The following FUS variants were observed in gnomAD, a reference collection of about 807,000 sequenced individuals.
FUS encodes RNA-binding protein FUS.
Under a neutral mutation model 82.7 loss-of-function variants are expected in FUS, and 5 were observed. The ratio of observed to expected loss-of-function variants is 0.06; its 90% confidence interval spans 0.03 to 0.13. FUS has a LOEUF of 0.13. Ranked by LOEUF, FUS falls within the 10% of genes least tolerant of loss-of-function variation. The pLI is 1.00. For synonymous variants in FUS, 281 were observed against 247.4 expected (o/e 1.14, Z -1.27); for missense variants, 512 against 707.8 (o/e 0.72, Z 3.14).
downstream of FUS, chr16:31,192,289 G>A (rs987980340): frequency 5.7e-6 from 3 of 526,932 alleles, no homozygotes; most frequent in Non-Finnish European, 1.1e-5. Flanking sequence ...AATGATAAGT[G>A]ATAAGAGGGG....
chr16:31,192,358 T>C (rs1442673819), downstream of FUS: 6 of 525,494 alleles, frequency 1.1e-5, no homozygotes, highest in Non-Finnish European at 2.2e-5. Flanking sequence ...CCTCTTACCA[T>C]GTGGTTGTAA....
At chr16:31,187,199 G>A (rs919264544) in intron 7 of FUS, 12 of 398,346 alleles carry the variant, frequency 3.0e-5, no homozygotes, top group Admixed American at 7.5e-5. Context: ...CCTTTTGATC[G>A]TTGTGTCCAA....
intron 3 of FUS, chr16:31,183,319 G>A (rs888603280): frequency 5.9e-6 from 1 of 168,574 alleles, no homozygotes; most frequent in Non-Finnish European, 1.3e-5. Context: ...ATTGGTTTGT[G>A]ATTCTGTTTC....
downstream of FUS, chr16:31,192,907 T>C (rs751244039): frequency 8.2e-6 from 4 of 486,322 alleles, no homozygotes. Flanking sequence ...ACAAGTATGT[T>C]CTCTACTGAA....
At chr16:31,184,438 C>CTTTTT (rs370126678) in intron 5 of FUS, 42 bp downstream of exon 5, 25 of 1,212,384 alleles carry the variant, frequency 2.1e-5, no homozygotes, top group Middle Eastern at 2.6e-4. Context: ...TTTTCTTTTT[C>CTTTTT]TTTTTTTTTT....
chr16:31,189,907 C>T (rs778616596), intron 10 of FUS, 113 bp downstream of exon 10: 62 of 1,585,926 alleles, frequency 3.9e-5, no homozygotes, highest in African/African-American at 1.2e-4. Flanking sequence ...ACTTTAGCTG[C>T]GGTTTCAGGT....
downstream of FUS, chr16:31,192,583 C>G (rs867547137): frequency 2.1e-6 from 1 of 479,884 alleles, no homozygotes; most frequent in Non-Finnish European, 4.0e-6. Flanking sequence ...TTTTTAGAGA[C>G]AGAGTCTTGC....
chr16:31,187,227 G>A (rs1450749720), intron 7 of FUS: 1 of 337,926 alleles, frequency 3.0e-6, no homozygotes, highest in Non-Finnish European at 5.6e-6. Context: ...GTGTGTGTGA[G>A]TGTGTGGGAG....
intron 7 of FUS, chr16:31,187,358 TAACTG>T (rs535971915): frequency 1.2e-5 from 3 of 242,230 alleles, no homozygotes; most frequent in Admixed American, 4.9e-5. Flanking sequence ...TATATGGACT[TAACTG>T]AGATGGGCAA....
intron 6 of FUS, 61 bp downstream of exon 6, chr16:31,185,240 T>A: frequency 1.3e-6 from 2 of 1,528,326 alleles, no homozygotes; most frequent in Non-Finnish European, 1.8e-6. Context: ...TGCATGAATC[T>A]CCCTGAAGCC....
chr16:31,191,564 C>A lies in FUS; in HGVS notation c.*126C>A. ...TTTGTGTCGGACTATGTAATTGTAA[C>A]TATACCTCTGGTTCCCATTAAAAGT... On this transcript the variant is annotated 3_prime_UTR_variant, in exon 15 of 15. Coordinates refer to ENST00000254108, the MANE Select transcript of FUS (RefSeq NM_004960.4). 9.9e-7 allele frequency: 1 copy of A among 1,013,526 alleles called. No individual in the cohort carries two copies. The highest frequency in any genetic ancestry group is 1.5e-6 in the Non-Finnish European group (1 of 648,680). The allele number at this position is 1,013,526 out of a possible 1,614,324, so 62.8% of individuals were successfully genotyped here. A position where few individuals can be genotyped will look rare whatever the true frequency, so the allele number is the denominator to read the frequency against.
downstream of FUS, chr16:31,194,402 C>T (rs1386383639): frequency 3.9e-6 from 2 of 513,796 alleles, no homozygotes; most frequent in Non-Finnish European, 3.8e-6. Flanking sequence ...TATCTGCCCA[C>T]CTCAGCCTCT....
chr16:31,185,520 C>T (rs1055264388), intron 6 of FUS: 10 of 575,360 alleles, frequency 1.7e-5, no homozygotes, highest in South Asian at 4.6e-5. Context: ...CAAGGGAAAC[C>T]GATGATCCCA....
rs1319178925 is a variant in FUS, at chr16:31,182,535, C to A, written c.61C>A (p.Pro21Thr). 6.2e-7 allele frequency: 1 copy of A among 1,614,180 alleles called. No homozygotes were observed. The highest frequency in any genetic ancestry group is 1.1e-5 in the South Asian group (1 of 91,078). ...TAGCTATGGGGCCTACCCCACCCAG[C>A]CCGGGCAGGGCTATTCCCAGCAGAG... is the stretch of plus-strand genomic sequence containing the variant. ...TQSYGAYPTQ[P>T]GQGYSQQSSQ... Residue 21 changes from proline to threonine, a missense_variant, in exon 3 of 15, where the codon CCC (proline) becomes ACC (threonine). Around this residue, in one of 6 missense-constraint regions of FUS, gnomAD observed 276 missense variants for 303.3 expected, o/e 0.91. Transcript: ENST00000254108.
rs1164441866 is a variant in FUS, at chr16:31,191,093, T to A, written c.1524T>A (p.Pro508=). The change falls in exon 14 of 15, where the codon CCT becomes CCA. Residue 508 remains proline, a synonymous_variant. Transcript: ENST00000254108. ...RGGGDRGGFG[P]GKMDSRGEHR... is the part of the protein sequence containing the mutation. ...GTGGGGACAGAGGTGGCTTTGGCCC[T>A]GGCAAGATGGATTCCAGGTAAGACT... The A allele has an allele frequency of 1.2e-6, 2 of 1,612,854 alleles. No individual in the cohort carries two copies. Among genetic ancestry groups the A allele is most frequent in the Admixed American group, 3.3e-5 (2 of 59,998 alleles).
upstream of FUS, chr16:31,180,116 G>A (rs1279183148): frequency 2.0e-6 from 3 of 1,537,760 alleles, no homozygotes; most frequent in Non-Finnish European, 2.7e-6. Context: ...GCGTACTTAA[G>A]CTTCGACGCA....
chr16:31,182,855 T>A (rs2144103051), intron 3 of FUS, 191 bp downstream of exon 3: 3 of 652,044 alleles, frequency 4.6e-6, no homozygotes, highest in East Asian at 5.8e-5. Flanking sequence ...TAGCTGGGAT[T>A]ACAGGTACCT....
rs1567477632 is a variant in FUS at position 31,190,360 on chromosome 16, A to C, written c.1254A>C (p.Gly418=). ...TTCCCAGTGGAGGTGGTGGCGGTGGAGGACAGCAGCGAGCTGGTGACTGGA... is the reference window on the plus strand; with the variant it reads ...TTCCCAGTGGAGGTGGTGGCGGTGGCGGACAGCAGCGAGCTGGTGACTGGA... The part of the protein sequence containing the change: ...GGFPSGGGGG[G]GQQRAGDWKC... The change falls in exon 12 of 15, where the codon GGA becomes GGC. Residue 418 remains glycine, a synonymous_variant. Coordinates refer to ENST00000254108, the MANE Select transcript of FUS (RefSeq NM_004960.4). 1 of 1,614,138 alleles carries C rather than the reference A, an allele frequency of 6.2e-7. No homozygotes were observed. The highest frequency in any genetic ancestry group is 8.5e-7 in the Non-Finnish European group (1 of 1,180,012).
At chr16:31,186,760 G>T in intron 6 of FUS, 42 bp from the exon 7 acceptor site, 1 of 1,604,232 alleles carries the variant, frequency 6.2e-7, no homozygotes, top group Non-Finnish European at 8.5e-7. Context: ...TTTTGTAGCC[G>T]TTGGAAGCTT....
Sources: gnomAD v4.1 joint callset for allele counts on GRCh38, gnomAD v4.1.1 for gene constraint, gnomAD v4.1.1 regional missense constraint, MANE v1.5 for transcripts, NCBI Gene and HGNC (gene_info 2026-07-23, HGNC 2026-07-21) for gene names.